POGLUT2: variants seen among roughly 807,000 people sequenced by gnomAD.
POGLUT2 encodes the protein protein O-glucosyltransferase 2.
POGLUT2 carries 47 observed loss-of-function variants against 57.6 expected under a neutral mutation model. That is an observed-to-expected ratio of 0.82 (90% confidence interval 0.65 to 1.04). The LOEUF (loss-of-function observed/expected upper bound fraction) is 1.04. POGLUT2 is among the 50% of genes least tolerant of loss of function. POGLUT2 has a pLI of 0.00. For synonymous variants in POGLUT2, 200 were observed against 218.8 expected, an observed-to-expected ratio of 0.91 and a Z score of 0.76; for missense variants, 565 against 614.8, an observed-to-expected ratio of 0.92 and a Z score of 0.86.
Position 102,791,244 on chromosome 13 carries a change from G to A in POGLUT2, c.845+14C>T. ...AAAACCAAGGCTCTGGGCCAACCCT[G>A]ACTTATCTCTCACCGGCCCATGGTT... On this transcript the variant is annotated intron_variant, in intron 5 of 9. Coordinates refer to ENST00000376004, the MANE Select transcript of POGLUT2 (RefSeq NM_024089.3). The A allele has an allele frequency of 1.2e-6, 2 of 1,601,972 alleles. No homozygotes were observed. The highest frequency in any genetic ancestry group is 1.7e-6 in the Non-Finnish European group (2 of 1,174,550).
intron 8 of POGLUT2, among the ~76,000 whole-genome samples, chr13:102,787,222 T>A (rs917252466): frequency 6.6e-6 from 1 of 152,070 alleles, no homozygotes; most frequent in Non-Finnish European, 1.5e-5. Flanking sequence ...AATTTTTGTA[T>A]TTTTAGTAGA....
chr13:102,798,426 C>A, intron 1 of POGLUT2, 63 bp downstream of exon 1: 2 of 1,445,568 alleles, frequency 1.4e-6, no homozygotes, highest in East Asian at 2.4e-5. Flanking sequence ...AAAGAAAAAT[C>A]TTAAAGGGAG....
rs80025954 is a variant in POGLUT2 at position 102,790,736 on chromosome 13, T to G, written c.1083+165A>C. ...AAGACTGGGCAGTGAGGGCAGACCC[T>G]GGTTGCCAAAACAGTCCCCAGCACC... On this transcript the variant is annotated intron_variant, in intron 6 of 9. Coordinates refer to ENST00000376004, the MANE Select transcript of POGLUT2 (RefSeq NM_024089.3). Among the ~76,000 whole-genome samples the G allele has an allele frequency of 5.3e-3, 806 of 152,284 alleles. 13 individuals carry two copies. The highest frequency in any genetic ancestry group is 0.018 in the African/African-American group (765 of 41,550).
chr13:102,786,930 GC>G (rs1197256360), intron 8 of POGLUT2, among the ~76,000 whole-genome samples: 1 of 152,118 alleles, frequency 6.6e-6, no homozygotes, highest in Non-Finnish European at 1.5e-5. Context: ...TTGATCTGTA[GC>G]AGAGCCTCAG....
At chr13:102,787,513 G>T (rs1877995333) in intron 8 of POGLUT2, among the ~76,000 whole-genome samples, 1 of 152,234 alleles carries the variant, frequency 6.6e-6, no homozygotes, top group African/African-American at 2.4e-5. Context: ...GAAATGGTAA[G>T]GCAGCAGCAA....
At chr13:102,793,549 A>C in intron 3 of POGLUT2, 52 bp downstream of exon 3, 1 of 1,527,692 alleles carries the variant, frequency 6.5e-7, no homozygotes, top group Non-Finnish European at 9.1e-7. Flanking sequence ...CAAATGTTCA[A>C]AACAAGAAAA....
intron 4 of POGLUT2, chr13:102,792,121 G>A: frequency 7.9e-7 from 1 of 1,271,184 alleles, no homozygotes; most frequent in South Asian, 1.3e-5. Context: ...GCTTAATATT[G>A]ATGCTATATA....
intron 2 of POGLUT2, among the ~76,000 whole-genome samples, chr13:102,796,305 A>ATAAATAAAT (rs1555319515): frequency 8.6e-6 from 1 of 116,856 alleles, no homozygotes; most frequent in East Asian, 3.2e-4. Flanking sequence ...AAAAAAAAAA[A>ATAAATAAAT]AAAAAAATAA....
Position 102,793,633 on chromosome 13 carries a change from T to C in POGLUT2, c.562A>G (p.Ser188Gly), listed in dbSNP as rs1326162446. ...TCCTTTAAGGTGTAGTGACATAGGC[T>C]CTGCCTCTGTCCAAATCTTTTTGGG... ...EIPKRFGQRQSLCHYTLKDNK... is the reference protein window; with the variant it reads ...EIPKRFGQRQGLCHYTLKDNK... Residue 188 changes from serine to glycine, a missense_variant, in exon 3 of 10, where the codon AGC (serine) becomes GGC (glycine). Coordinates refer to ENST00000376004, the MANE Select transcript of POGLUT2 (RefSeq NM_024089.3). 5 of 1,613,668 alleles carry C rather than the reference T, an allele frequency of 3.1e-6. No homozygotes were observed. The highest frequency in any genetic ancestry group is 4.2e-6 in the Non-Finnish European group (5 of 1,179,568).
intron 8 of POGLUT2, among the ~76,000 whole-genome samples, chr13:102,786,764 T>C (rs564888005): frequency 2.8e-4 from 43 of 152,316 alleles, no homozygotes; most frequent in African/African-American, 9.1e-4. Flanking sequence ...TAAGTACCTA[T>C]GCTAAATGAA....
Position 102,796,826 on chromosome 13 carries a change from G to T in POGLUT2, c.366C>A (p.Ala122=). Residue 122 remains alanine (A), a synonymous_variant, in exon 2 of 10, where the codon GCC becomes GCA. Transcript: ENST00000376004. ...TACCTTTTAAAATATATGGGGATTT[G>T]GCCACATGTTGCCCTTGGAATTTAA... ...VEIKFQGQHV[A]KSPYILKGPV... 1 of 1,587,246 alleles carries T rather than the reference G, an allele frequency of 6.3e-7. No homozygotes were observed. The highest frequency in any genetic ancestry group is 8.6e-7 in the Non-Finnish European group (1 of 1,156,966).
intron 5 of POGLUT2, 48 bp downstream of exon 5, chr13:102,791,210 C>A: frequency 6.2e-7 from 1 of 1,602,932 alleles, no homozygotes; most frequent in Non-Finnish European, 8.5e-7. Flanking sequence ...AAGAACTCAC[C>A]AAAGAAAGAA....
At position 102,791,242 on chromosome 13, in the gene POGLUT2, C is replaced by T. The variant is rs1448274717; in HGVS notation, c.845+16G>A. On this transcript the variant is annotated intron_variant, in intron 5 of 9. Coordinates refer to ENST00000376004, the MANE Select transcript of POGLUT2 (RefSeq NM_024089.3). ...AGAAAACCAAGGCTCTGGGCCAACC[C>T]TGACTTATCTCTCACCGGCCCATGG... 2 of 1,602,040 alleles carry T rather than the reference C, an allele frequency of 1.2e-6. No individual in the cohort carries two copies. Among genetic ancestry groups the T allele is most frequent in the Non-Finnish European group, 1.7e-6 (2 of 1,174,556 alleles).
chr13:102,798,395 T>C (rs955838254), intron 1 of POGLUT2, 94 bp downstream of exon 1: 1 of 1,167,982 alleles, frequency 8.6e-7, no homozygotes. Context: ...TATAAACTGC[T>C]GTGGAGAAAC....
At chr13:102,790,383 A>G (rs954631698) in intron 6 of POGLUT2, among the ~76,000 whole-genome samples, 2 of 152,182 alleles carry the variant, frequency 1.3e-5, no homozygotes, top group Non-Finnish European at 2.9e-5. Context: ...TGCCTTATAA[A>G]AGGAGTTGTT....
chr13:102,789,056 C>T lies in POGLUT2; in HGVS notation c.1249G>A (p.Asp417Asn), dbSNP rs558079300. ...GCCCATTTAAGTTTTTCTAGCAGAT[C>T]GCTCAGGTTGCTCTTAACTGGAATG... is the stretch of plus-strand genomic sequence containing the variant. The part of the protein sequence containing the change: ...HYIPVKSNLS[D>N]LLEKLKWAKD... Residue 417 changes from aspartate to asparagine, a missense_variant, in exon 7 of 10, where the codon GAT becomes AAT. By Grantham distance (23) the Asp-to-Asn change is conservative. Coordinates refer to ENST00000376004, the MANE Select transcript of POGLUT2 (RefSeq NM_024089.3). The T allele has an allele frequency of 3.6e-5, 58 of 1,614,166 alleles. No homozygotes were observed. The South Asian group carries it at 4.4e-4, about 12-fold the overall frequency.
intron 6 of POGLUT2, 73 bp from the exon 7 acceptor site, chr13:102,789,294 C>A: frequency 7.9e-7 from 1 of 1,267,844 alleles, no homozygotes; most frequent in East Asian, 2.4e-5. Context: ...CTTCCCATCC[C>A]ACACATAAAC....
At chr13:102,798,431 A>G in intron 1 of POGLUT2, 58 bp downstream of exon 1, 1 of 1,451,542 alleles carries the variant, frequency 6.9e-7, no homozygotes, top group South Asian at 1.4e-5. Flanking sequence ...AAAATCTTAA[A>G]GGGAGAAACA....
Position 102,789,014 on chromosome 13 carries a change from C to T in POGLUT2, c.1291G>A (p.Glu431Lys), listed in dbSNP as rs772692858. 3 of 1,612,978 alleles carry T rather than the reference C, an allele frequency of 1.9e-6. No homozygotes were observed. Among genetic ancestry groups the T allele is most frequent in the Admixed American group, 3.3e-5 (2 of 60,016 alleles). ...GCCTTCAAGGGGACTAACCTTACCT[C>T]TTCATCGTGATCTTTCGCCCATTTA... Reference protein sequence around the residue: ...KLKWAKDHDEEAKKIAKAGQE... With the variant: ...KLKWAKDHDEKAKKIAKAGQE... The change falls in exon 7 of 10, where the codon GAG becomes AAG. Residue 431 changes from glutamate to lysine, a missense_variant and splice_region_variant. Transcript: ENST00000376004.
Sources: allele counts gnomAD v4.1 joint callset (sites outside exome capture counted in the v4.1 genomes callset), GRCh38; gene constraint gnomAD v4.1.1; transcripts MANE v1.5; gene names NCBI Gene and HGNC (gene_info 2026-07-23, HGNC 2026-07-21).